The following NRP1 variants were observed in gnomAD, a reference collection of about 807,000 sequenced individuals.
NRP1 encodes neuropilin 1, also known as neuropilin-1.
NRP1 carries 35 observed loss-of-function variants against 106.7 expected under a neutral mutation model. The observed-to-expected ratio is 0.33, with a 90% CI of 0.25 to 0.43. The LOEUF is 0.43. Ranked by LOEUF, NRP1 falls within the 20% of genes least tolerant of loss-of-function variation. NRP1 has a pLI of 1.00. For missense variants in NRP1, 1,024 were observed against 1,170.4 expected, an observed-to-expected ratio of 0.87 and a Z score of 1.83; for synonymous variants, 437 against 417.9, an observed-to-expected ratio of 1.05 and a Z score of -0.56.
chr10:33,303,788 C>A (rs1009579087), intron 2 of NRP1, among the ~76,000 whole-genome samples: 6 of 152,328 alleles, frequency 3.9e-5, no homozygotes, highest in Admixed American at 2.0e-4. Context: ...TATAACATAT[C>A]TGTTTGCAAG....
chr10:33,304,350 A>G (rs1202750976), intron 2 of NRP1, among the ~76,000 whole-genome samples: 1 of 152,188 alleles, frequency 6.6e-6, no homozygotes, highest in Non-Finnish European at 1.5e-5. Flanking sequence ...GGGGAGGAAA[A>G]CCAATACTAC....
At chr10:33,285,906 G>A (rs1374996809) in intron 2 of NRP1, among the ~76,000 whole-genome samples, 4 of 152,014 alleles carry the variant, frequency 2.6e-5, no homozygotes, top group South Asian at 2.1e-4. Context: ...GGGAAATTCC[G>A]AATCCAGACA....
In NRP1 at chr10:33,199,389, A is replaced by ATATAT. The variant is rs1564372890; in HGVS notation, c.1865-1681_1865-1680insATATA. Among the ~76,000 whole-genome samples the ATATAT allele has an allele frequency of 6.8e-4, 25 of 36,852 alleles. 2 individuals carry two copies. The highest frequency in any genetic ancestry group is 1.1e-3 in the Non-Finnish European group (24 of 22,152). 24.2% of individuals were successfully genotyped at this position (36,852 alleles called of 152,430 possible). ...TTTCTATATATATATATATATATAT[A>ATATAT]TTTTTTTTTTTTTTTTTTTTTTTTT... On this transcript the variant is annotated intron_variant, in intron 11 of 16. Transcript: ENST00000374867.
At chr10:33,292,514 G>C (rs183003508) in intron 2 of NRP1, among the ~76,000 whole-genome samples, 362 of 152,276 alleles carry the variant, frequency 2.4e-3, no homozygotes, top group African/African-American at 8.3e-3. Context: ...TATAAGTAGA[G>C]AGGAAAGTAA....
intron 10 of NRP1, among the ~76,000 whole-genome samples, chr10:33,204,455 A>T (rs2269105): frequency 0.26 from 39,203 of 152,166 alleles, 5,651 homozygotes; most frequent in East Asian, 0.6. Flanking sequence ...TCTTGCTGAA[A>T]CAGTAGTATC....
intron 2 of NRP1, among the ~76,000 whole-genome samples, chr10:33,300,772 C>T (rs980727679): frequency 6.6e-6 from 1 of 152,176 alleles, no homozygotes. Context: ...GAAGCCCCTC[C>T]CCTGCTTTGA....
intron 2 of NRP1, among the ~76,000 whole-genome samples, chr10:33,325,291 C>G (rs1350988935): frequency 1.3e-5 from 2 of 152,110 alleles, no homozygotes; most frequent in Admixed American, 1.3e-4. Flanking sequence ...AAGTGATGCT[C>G]TAAAATACAA....
chr10:33,321,148 G>A (rs897202851), intron 2 of NRP1, among the ~76,000 whole-genome samples: 1 of 152,048 alleles, frequency 6.6e-6, no homozygotes, highest in African/African-American at 2.4e-5. Flanking sequence ...CACCACATCT[G>A]GCTAATTTTT....
At chr10:33,305,384 C>A (rs1217082276) in intron 2 of NRP1, among the ~76,000 whole-genome samples, 2 of 152,180 alleles carry the variant, frequency 1.3e-5, no homozygotes, top group African/African-American at 2.4e-5. Context: ...GATGACACAG[C>A]ATAAGTTATA....
chr10:33,263,291 T>C (rs1288021497), intron 4 of NRP1, among the ~76,000 whole-genome samples: 1 of 152,256 alleles, frequency 6.6e-6, no homozygotes, highest in African/African-American at 2.4e-5. Flanking sequence ...CCCATCCTCT[T>C]ACAATCTGTG....
chr10:33,330,967 A>T (rs1259070519), intron 1 of NRP1, 85 bp from the exon 2 acceptor site: 1 of 1,209,138 alleles, frequency 8.3e-7, no homozygotes, highest in Non-Finnish European at 1.2e-6. Context: ...TGGTTATTAA[A>T]CATTCCTTAA....
intron 6 of NRP1, among the ~76,000 whole-genome samples, chr10:33,227,677 T>C (rs781027923): frequency 9.2e-5 from 14 of 152,018 alleles, no homozygotes; most frequent in African/African-American, 1.9e-4. Context: ...TCTCATATCC[T>C]GAGGGGTGGG....
rs1317337836 is a variant in NRP1, at chr10:33,200,016, G to A, written c.1865-2307C>T. Reference sequence around the variant, plus strand: ...CTCCCAGCAAATATGCTGGATGAGTGGTCACATGTGTGCATGGCCTCAATA... The same window carrying A: ...CTCCCAGCAAATATGCTGGATGAGTAGTCACATGTGTGCATGGCCTCAATA... On this transcript the variant is annotated intron_variant, in intron 11 of 16. Coordinates refer to ENST00000374867, the MANE Select transcript of NRP1 (RefSeq NM_003873.7). 2.0e-5 allele frequency among the ~76,000 whole-genome samples: 3 copies of A among 152,130 alleles called. No homozygotes were observed. The East Asian group carries it at 5.8e-4, about 29-fold the overall frequency.
intron 15 of NRP1, 24 bp from the exon 16 acceptor site, chr10:33,182,772 A>G: frequency 6.3e-7 from 1 of 1,597,318 alleles, no homozygotes; most frequent in Non-Finnish European, 8.6e-7. Flanking sequence ...CAAAATTGAA[A>G]GAGATATTTG....
At position 33,242,366 on chromosome 10, in the gene NRP1, T is replaced by A. The variant is rs548577326; in HGVS notation, c.981+11662A>T. On this transcript the variant is annotated intron_variant, in intron 6 of 16. Coordinates refer to ENST00000374867, the MANE Select transcript of NRP1 (RefSeq NM_003873.7). The stretch of plus-strand genomic sequence containing the variant: ...AAATAACAGCATCCTTATAAATATA[T>A]ACAATATTTAGAAACTACATTAAAA... Among the ~76,000 whole-genome samples, 4 of 152,316 alleles carry A rather than the reference T, an allele frequency of 2.6e-5. No homozygotes were observed. The South Asian group carries it at 8.3e-4, about 32-fold the overall frequency.
intron 3 of NRP1, among the ~76,000 whole-genome samples, chr10:33,267,729 G>A (rs1390833649): frequency 2.0e-5 from 3 of 152,168 alleles, no homozygotes; most frequent in South Asian, 2.1e-4. Flanking sequence ...CTCTTTAGGC[G>A]ATTGGAAATA....
chr10:33,193,528 G>A (rs1029972152), intron 12 of NRP1, among the ~76,000 whole-genome samples: 1 of 152,166 alleles, frequency 6.6e-6, no homozygotes, highest in Non-Finnish European at 1.5e-5. Flanking sequence ...CAGTCCACGA[G>A]GTGGCAGCAT....
chr10:33,320,309 C>A (rs1469827046), intron 2 of NRP1, among the ~76,000 whole-genome samples: 1 of 145,476 alleles, frequency 6.9e-6, no homozygotes, highest in Admixed American at 6.9e-5. Flanking sequence ...AATACTCCGT[C>A]TTTAAAAAAA....
At chr10:33,253,997 T>C (rs1339324618) in intron 6 of NRP1, 31 bp downstream of exon 6, 3 of 1,569,994 alleles carry the variant, frequency 1.9e-6, no homozygotes, top group African/African-American at 2.7e-5. Flanking sequence ...ACTTATTCAA[T>C]CCTAGATAGG....
Sources: gnomAD v4.1 joint callset for allele counts (sites outside exome capture counted in the v4.1 genomes callset) on GRCh38, gnomAD v4.1.1 for gene constraint, MANE v1.5 for transcripts, NCBI Gene and HGNC (gene_info 2026-07-23, HGNC 2026-07-21) for gene names.